The following PRKG1 variants were observed in gnomAD, a reference collection of about 807,000 sequenced individuals.
PRKG1 encodes the protein protein kinase cGMP-dependent 1, also known as cGMP-dependent protein kinase 1.
Under a neutral mutation model 88.1 loss-of-function variants are expected in PRKG1, and 35 were observed. That is an observed-to-expected ratio of 0.40 (90% confidence interval 0.30 to 0.53). The LOEUF (loss-of-function observed/expected upper bound fraction) is 0.53. Among genes scored for constraint, PRKG1 ranks in the 20% least tolerant of loss-of-function variants. The pLI is 0.59. For missense variants in PRKG1, 540 were observed against 839.8 expected, an observed-to-expected ratio of 0.64 and a Z score of 4.41; for synonymous variants, 303 against 292.5, an observed-to-expected ratio of 1.04 and a Z score of -0.37.
At chr10:51,286,684 C>A (rs113147763) in intron 2 of PRKG1, among the ~76,000 whole-genome samples, 17 of 152,166 alleles carry the variant, frequency 1.1e-4, no homozygotes, top group Non-Finnish European at 2.9e-5. Flanking sequence ...TTTGTCATTT[C>A]TTTGTCCTGG....
chr10:51,476,915 G>A (rs959137681), intron 3 of PRKG1, among the ~76,000 whole-genome samples: 7 of 152,044 alleles, frequency 4.6e-5, no homozygotes, highest in African/African-American at 1.2e-4. Flanking sequence ...TGTACATGCC[G>A]CTTGGCTATG....
intron 2 of PRKG1, among the ~76,000 whole-genome samples, chr10:51,399,184 ATAT>A (rs1837664541): frequency 6.6e-6 from 1 of 151,906 alleles, no homozygotes. Flanking sequence ...TTATATATTA[ATAT>A]TATATGAAGG....
At chr10:51,789,394 A>G (rs1268771179) in intron 3 of PRKG1, among the ~76,000 whole-genome samples, 1 of 152,160 alleles carries the variant, frequency 6.6e-6, no homozygotes, top group Non-Finnish European at 1.5e-5. Context: ...TCAAAATGTG[A>G]GGTGTTTGGA....
At chr10:51,664,053 A>G (rs1009663021) in intron 3 of PRKG1, among the ~76,000 whole-genome samples, 1 of 151,978 alleles carries the variant, frequency 6.6e-6, no homozygotes, top group African/African-American at 2.4e-5. Context: ...TGAAATAGAG[A>G]TAAGTGTTAT....
intron 2 of PRKG1, among the ~76,000 whole-genome samples, chr10:51,462,090 G>T (rs1003954080): frequency 6.6e-6 from 1 of 152,166 alleles, no homozygotes; most frequent in Admixed American, 6.5e-5. Context: ...CATTATGAAA[G>T]AATATGTAAT....
intron 12 of PRKG1, 141 bp from the exon 13 acceptor site, chr10:52,280,648 T>TC: frequency 1.2e-6 from 1 of 845,016 alleles, no homozygotes. Context: ...GTAATGGCAA[T>TC]CATGTAACAT....
intron 7 of PRKG1, among the ~76,000 whole-genome samples, chr10:52,109,846 C>CAT (rs1186207507): frequency 6.6e-6 from 1 of 151,902 alleles, no homozygotes; most frequent in Non-Finnish European, 1.5e-5. Context: ...TTACATAGGT[C>CAT]ATATATAGCA....
At chr10:51,998,948 T>C (rs913578223) in intron 5 of PRKG1, among the ~76,000 whole-genome samples, 2 of 152,186 alleles carry the variant, frequency 1.3e-5, no homozygotes, top group African/African-American at 2.4e-5. Flanking sequence ...CCTAAGGGTG[T>C]ATGTGCTGCT....
In PRKG1 at chr10:51,755,502, CAACA is replaced by C. The variant is rs559199162; in HGVS notation, c.593-49075_593-49072del. Among the ~76,000 whole-genome samples, 948 of 152,264 alleles carry C rather than the reference CAACA, an allele frequency of 6.2e-3. 8 individuals carry two copies. The highest frequency in any genetic ancestry group is 0.022 in the African/African-American group (897 of 41,536). ...ACAGCAATAGCAACAGCAGCAGCAG[CAACA>C]AACAAACCCAAGAATAGCCCAGCAA... is the stretch of plus-strand genomic sequence containing the variant. On this transcript the variant is annotated intron_variant, in intron 3 of 17. Coordinates refer to ENST00000373980, the MANE Select transcript of PRKG1 (RefSeq NM_006258.4).
chr10:51,084,349 A>T (rs9414812), intron 1 of PRKG1, among the ~76,000 whole-genome samples: 5,073 of 152,324 alleles, frequency 0.033, 276 homozygotes, highest in African/African-American at 0.11. Context: ...GGACACTGGG[A>T]AAATATCTGT....
intron 3 of PRKG1, among the ~76,000 whole-genome samples, chr10:51,782,623 G>A (rs996496801): frequency 6.6e-6 from 1 of 152,126 alleles, no homozygotes. Context: ...TGTGTTGTGG[G>A]AGGGACCTGG....
At chr10:51,229,935 A>AG in intron 2 of PRKG1, among the ~76,000 whole-genome samples, 1 of 142,338 alleles carries the variant, frequency 7.0e-6, no homozygotes, top group Admixed American at 7.3e-5. Context: ...TCAAAAAAAA[A>AG]AAAAAAAAAA....
chr10:51,074,869 T>C lies in PRKG1; in HGVS notation c.279T>C (p.His93=), dbSNP rs1235144237. 1 of 1,612,854 alleles carries C rather than the reference T, an allele frequency of 6.2e-7. No homozygotes were observed. Among genetic ancestry groups the C allele is most frequent in the South Asian group, 1.1e-5 (1 of 90,904 alleles). ...PTAFDIQDLS[H]VTLPFYPKSP... is the part of the protein sequence containing the mutation. ...CCTTCGACATCCAGGATCTCAGCCATGTGACCCTGCCCTTCTACCCCAAGA... is the reference window on the plus strand; with the variant it reads ...CCTTCGACATCCAGGATCTCAGCCACGTGACCCTGCCCTTCTACCCCAAGA... Residue 93 remains histidine, a synonymous_variant, in exon 1 of 18, where the codon CAT becomes CAC. Transcript: ENST00000373980.
At chr10:51,960,926 A>C (rs1843431784) in intron 5 of PRKG1, among the ~76,000 whole-genome samples, 1 of 152,144 alleles carries the variant, frequency 6.6e-6, no homozygotes, top group Admixed American at 6.6e-5. Context: ...CATGCTACTC[A>C]GGCGTGATTG....
intron 2 of PRKG1, among the ~76,000 whole-genome samples, chr10:51,215,303 C>T (rs1221237231): frequency 2.6e-5 from 4 of 152,136 alleles, no homozygotes; most frequent in Non-Finnish European, 4.4e-5. Context: ...TTTCTTTGAT[C>T]GTGAATTAGT....
At chr10:51,359,154 G>A (rs1330087448) in intron 2 of PRKG1, among the ~76,000 whole-genome samples, 2 of 151,824 alleles carry the variant, frequency 1.3e-5, no homozygotes, top group Non-Finnish European at 2.9e-5. Flanking sequence ...TCTGAAATTA[G>A]TTCTTATACC....
intron 2 of PRKG1, among the ~76,000 whole-genome samples, chr10:51,284,859 T>A (rs2132209744): frequency 8.2e-6 from 1 of 122,022 alleles, no homozygotes; most frequent in African/African-American, 3.0e-5. Flanking sequence ...TCCAGTGTTG[T>A]GGGTACTTTT....
chr10:52,044,918 A>G (rs1211226822), intron 5 of PRKG1, among the ~76,000 whole-genome samples: 1 of 152,148 alleles, frequency 6.6e-6, no homozygotes, highest in Non-Finnish European at 1.5e-5. Context: ...AAGAAGCTTC[A>G]TCTGGGTCCA....
At chr10:51,400,089 T>A (rs567043442) in intron 2 of PRKG1, among the ~76,000 whole-genome samples, 3 of 152,226 alleles carry the variant, frequency 2.0e-5, no homozygotes, top group Non-Finnish European at 4.4e-5. Context: ...AAGAACCAGG[T>A]CTGATTCATT....
Sources: allele counts gnomAD v4.1 joint callset (sites outside exome capture counted in the v4.1 genomes callset), GRCh38; gene constraint gnomAD v4.1.1; transcripts MANE v1.5; gene names NCBI Gene and HGNC (gene_info 2026-07-23, HGNC 2026-07-21).